CCDC102B: variants seen among roughly 807,000 people sequenced by gnomAD.
CCDC102B encodes coiled-coil domain-containing protein 102B.
Under a neutral mutation model 57.4 loss-of-function variants are expected in CCDC102B, and 75 were observed. The ratio of observed to expected loss-of-function variants is 1.31; its 90% CI spans 1.08 to 1.58. CCDC102B has a LOEUF of 1.58. CCDC102B is among the 40% of genes most tolerant of loss of function. CCDC102B has a pLI of 0.00. For synonymous variants in CCDC102B, 206 were observed against 201.9 expected (o/e 1.02, Z -0.17); for missense variants, 636 against 582.6 (o/e 1.09, Z -0.94).
chr18:68,975,641 A>T (rs1294685776), intron 6 of CCDC102B, among the ~76,000 whole-genome samples: 2 of 152,106 alleles, frequency 1.3e-5, no homozygotes, highest in Admixed American at 6.6e-5. Context: ...GTGGTTTGGC[A>T]TCATTTTCTG....
chr18:68,743,606 A>T, intron 2 of CCDC102B, among the ~76,000 whole-genome samples: 1 of 152,132 alleles, frequency 6.6e-6, no homozygotes, highest in Admixed American at 6.6e-5. Flanking sequence ...CTCTAAATGG[A>T]CCTATCAGTT....
Position 68,989,837 on chromosome 18 carries a change from C to T in CCDC102B, c.1264-21097C>T, listed in dbSNP as rs945151443. ...CCCTGTCTCTCTCTCCCATTTGTTT[C>T]TCTCTTCAGATTAGCCACTAACCGC... On this transcript the variant is annotated intron_variant, in intron 6 of 7. Coordinates refer to ENST00000360242, the MANE Select transcript of CCDC102B (RefSeq NM_024781.3). 4.6e-5 allele frequency among the ~76,000 whole-genome samples: 7 copies of T among 152,324 alleles called. No individual in the cohort carries two copies. The East Asian group carries it at 1.2e-3, about 25-fold the overall frequency.
chr18:69,053,449 A>G (rs1486408919), intron 7 of CCDC102B, among the ~76,000 whole-genome samples: 2 of 151,746 alleles, frequency 1.3e-5, no homozygotes, highest in Admixed American at 1.3e-4. Flanking sequence ...AGGGGAGGCA[A>G]GAGGGGAAAT....
At chr18:68,763,586 GTTGA>G (rs549606675) in intron 2 of CCDC102B, among the ~76,000 whole-genome samples, 37 of 152,088 alleles carry the variant, frequency 2.4e-4, no homozygotes, top group Non-Finnish European at 4.0e-4. Context: ...GGATTTTGAA[GTTGA>G]TTGCCTCTTT....
chr18:69,018,390 C>T (rs1324556159), intron 7 of CCDC102B, among the ~76,000 whole-genome samples: 1 of 152,194 alleles, frequency 6.6e-6, no homozygotes, highest in Non-Finnish European at 1.5e-5. Flanking sequence ...TAGATTCTCA[C>T]CAATAGTACA....
At chr18:68,885,772 T>C (rs2039861980) in intron 5 of CCDC102B, among the ~76,000 whole-genome samples, 1 of 151,904 alleles carries the variant, frequency 6.6e-6, no homozygotes, top group Admixed American at 6.6e-5. Context: ...AGTTAGGAAG[T>C]AGAACTAAAT....
At chr18:68,826,463 A>G (rs974851461) in intron 1 of CCDC102B, among the ~76,000 whole-genome samples, 3 of 152,232 alleles carry the variant, frequency 2.0e-5, no homozygotes, top group Non-Finnish European at 4.4e-5. Flanking sequence ...TGCTAGCAGC[A>G]TAGAAATCTC....
intron 7 of CCDC102B, among the ~76,000 whole-genome samples, chr18:69,024,635 C>T (rs560175827): frequency 3.9e-4 from 59 of 151,926 alleles, no homozygotes; most frequent in African/African-American, 1.1e-3. Flanking sequence ...TTTTCTTTTA[C>T]GTGGGATAAA....
At chr18:68,801,445 A>G (rs182060936) in intron 1 of CCDC102B, among the ~76,000 whole-genome samples, 1 of 152,160 alleles carries the variant, frequency 6.6e-6, no homozygotes, top group Non-Finnish European at 1.5e-5. Context: ...GTTGATTTAT[A>G]TTTAATGATA....
rs61714863 is a variant in CCDC102B at position 68,810,680 on chromosome 18, G to GTTTTT, written c.-16+12522_-16+12526dup. ...TGAAAAATTTTCTTTTCTTTTCTTT[G>GTTTTT]TTTTTTTTTTTTTTTTTTTTTTTTT... On this transcript the variant is annotated intron_variant, in intron 1 of 7. Coordinates refer to ENST00000360242, the MANE Select transcript of CCDC102B (RefSeq NM_024781.3). Among the ~76,000 whole-genome samples the GTTTTT allele has an allele frequency of 5.5e-4, 42 of 77,040 alleles. 1 individual carries two copies. The highest frequency in any genetic ancestry group is 6.1e-4 in the African/African-American group (12 of 19,686). The allele number at this position is 77,040 out of a possible 152,430, so 50.5% of individuals were successfully genotyped here.
chr18:69,007,566 A>G (rs574580629), intron 6 of CCDC102B, among the ~76,000 whole-genome samples: 11 of 152,336 alleles, frequency 7.2e-5, no homozygotes, highest in Admixed American at 5.2e-4. Context: ...CTCAAACTTT[A>G]TGGTGAATCA....
chr18:68,760,687 C>T (rs1012909513), intron 2 of CCDC102B, among the ~76,000 whole-genome samples: 1 of 152,040 alleles, frequency 6.6e-6, no homozygotes, highest in Non-Finnish European at 1.5e-5. Flanking sequence ...AGGACCAATG[C>T]TAAAGCTGCT....
rs1353710740 is a variant in CCDC102B, at chr18:69,011,081, G to A, written c.1411G>A (p.Gly471Arg). Reference sequence around the variant, plus strand: ...ATTACGAGTGGAAGAACTAAAGCAGGGACTCAATCAAAAAGAAGATGAGGT... The same window carrying A: ...ATTACGAGTGGAAGAACTAAAGCAGAGACTCAATCAAAAAGAAGATGAGGT... ...LRLRVEELKQ[G>R]LNQKEDELDD... The change falls in exon 7 of 8, where the codon GGA becomes AGA. Residue 471 changes from glycine (G) to arginine (R), a missense_variant. Coordinates refer to ENST00000360242, the MANE Select transcript of CCDC102B (RefSeq NM_024781.3). 6 of 1,613,058 alleles carry A rather than the reference G, an allele frequency of 3.7e-6. No homozygotes were observed. Among genetic ancestry groups the A allele is most frequent in the Middle Eastern group, 1.7e-4 (1 of 6,044 alleles).
intron 7 of CCDC102B, among the ~76,000 whole-genome samples, chr18:69,023,508 C>A (rs2051904038): frequency 1.3e-5 from 2 of 151,592 alleles, no homozygotes; most frequent in South Asian, 4.2e-4. Context: ...TTAATCTAAT[C>A]TTTATTATAA....
intron 6 of CCDC102B, among the ~76,000 whole-genome samples, chr18:68,959,109 G>T (rs143867718): frequency 2.6e-5 from 4 of 151,978 alleles, no homozygotes; most frequent in East Asian, 3.9e-4. Flanking sequence ...TGTAGTTTTC[G>T]CAGTCTGTAC....
intron 6 of CCDC102B, among the ~76,000 whole-genome samples, chr18:68,954,613 A>G (rs915367020): frequency 2.0e-5 from 3 of 152,206 alleles, no homozygotes; most frequent in South Asian, 2.1e-4. Context: ...TATGTGAAGT[A>G]CCAGGTGACA....
chr18:68,739,367 A>G (rs1245743604), intron 2 of CCDC102B, among the ~76,000 whole-genome samples: 1 of 152,102 alleles, frequency 6.6e-6, no homozygotes, highest in Non-Finnish European at 1.5e-5. Flanking sequence ...ACAAAGCTTG[A>G]GCTTTTTATT....
chr18:68,825,028 T>G (rs2036851825), intron 1 of CCDC102B, among the ~76,000 whole-genome samples: 1 of 152,212 alleles, frequency 6.6e-6, no homozygotes, highest in Non-Finnish European at 1.5e-5. Flanking sequence ...TCTTTTTCTT[T>G]CTCTTTTATC....
At chr18:68,720,669 T>G (rs2032277328) in intron 2 of CCDC102B, among the ~76,000 whole-genome samples, 2 of 152,344 alleles carry the variant, frequency 1.3e-5, no homozygotes, top group South Asian at 4.1e-4. Context: ...TTACATTGTA[T>G]TCCTTTCCTG....
Sources: allele counts gnomAD v4.1 joint callset (sites outside exome capture counted in the v4.1 genomes callset), GRCh38; gene constraint gnomAD v4.1.1; transcripts MANE v1.5; gene names NCBI Gene and HGNC (gene_info 2026-07-23, HGNC 2026-07-21).